The following CMYA5 variants were observed in gnomAD, a reference collection of about 807,000 sequenced individuals.
CMYA5 encodes cardiomyopathy associated 5.
In CMYA5, 246 loss-of-function variants were observed where a neutral mutation model predicts 318.9. The observed-to-expected ratio is 0.77, with a 90% CI of 0.70 to 0.86. The LOEUF (loss-of-function observed/expected upper bound fraction) is 0.86, where lower values mean the gene tolerates loss of function less well. Ranked by LOEUF, CMYA5 falls within the 40% of genes least tolerant of loss-of-function variation. The pLI, the probability that CMYA5 is intolerant of heterozygous loss-of-function variation, is 0.00. For synonymous variants in CMYA5, 1,641 were observed against 1,729.5 expected (o/e 0.95, Z 1.27); for missense variants, 4,589 against 4,678.2 (o/e 0.98, Z 0.56).
At position 79,717,074 on chromosome 5, in the gene CMYA5, C is replaced by A. The variant is rs1262949768; in HGVS notation, c.150-11841C>A. Among the ~76,000 whole-genome samples, 3 of 152,274 alleles carry A rather than the reference C, an allele frequency of 2.0e-5. No individual in the cohort carries two copies. The South Asian group carries it at 6.2e-4, about 32-fold the overall frequency. On this transcript the variant is annotated intron_variant, in intron 1 of 12. Coordinates refer to ENST00000446378, the MANE Select transcript of CMYA5 (RefSeq NM_153610.5). ...ACAGATGATGCCCCAGGCAAGCAAA[C>A]CACTCCTGTTAGCAGGCTGCTCTCA... is the stretch of plus-strand genomic sequence containing the variant.
chr5:79,709,571 G>A (rs1395313953), intron 1 of CMYA5, among the ~76,000 whole-genome samples: 1 of 151,940 alleles, frequency 6.6e-6, no homozygotes, highest in African/African-American at 2.4e-5. Context: ...ACTGTATAGA[G>A]GATGAAAAGC....
In CMYA5 at chr5:79,732,104, G is replaced by GA; in HGVS notation, c.3343dup (p.Thr1115AsnfsTer8). On this transcript the variant is annotated frameshift_variant, in exon 2 of 13. Coordinates refer to ENST00000446378, the MANE Select transcript of CMYA5 (RefSeq NM_153610.5). LOFTEE classifies it high-confidence loss of function. ...AATATCTCATTTTGGCACAGAAGCA[G>GA]AAAACTCAAGCATATTTAGAGCCTG... The GA allele has an allele frequency of 6.2e-7, 1 of 1,613,978 alleles. No individual in the cohort carries two copies.
intron 9 of CMYA5, among the ~76,000 whole-genome samples, chr5:79,785,390 A>G (rs994038277): frequency 6.6e-6 from 1 of 152,062 alleles, no homozygotes; most frequent in Non-Finnish European, 1.5e-5. Flanking sequence ...CTTAGGGAGA[A>G]TTGAAATTTT....
rs1561210950 is a variant in CMYA5 at position 79,735,398 on chromosome 5, A to G, written c.6633A>G (p.Glu2211=). The change falls in exon 2 of 13, where the codon GAA becomes GAG. Residue 2211 remains glutamate (E), a synonymous_variant. Coordinates refer to ENST00000446378, the MANE Select transcript of CMYA5 (RefSeq NM_153610.5). ...DLETQPSPSV[E]KAVTVIDPEG... ...AAACACAGCCAAGTCCATCCGTAGA[A>G]AAAGCAGTGACTGTGATAGATCCTG... The G allele has an allele frequency of 1.2e-6, 2 of 1,613,798 alleles. No homozygotes were observed. The highest frequency in any genetic ancestry group is 1.1e-5 in the South Asian group (1 of 91,074).
intron 1 of CMYA5, among the ~76,000 whole-genome samples, chr5:79,707,715 C>T (rs1827300723): frequency 6.6e-6 from 1 of 152,146 alleles, no homozygotes; most frequent in African/African-American, 2.4e-5. Flanking sequence ...TAGATATGAG[C>T]CACCTGTTGA....
chr5:79,759,456 A>G (rs928075369), intron 7 of CMYA5, among the ~76,000 whole-genome samples: 1 of 152,230 alleles, frequency 6.6e-6, no homozygotes, highest in Non-Finnish European at 1.5e-5. Context: ...GCGTGGGCCT[A>G]GGTATGGTGT....
intron 9 of CMYA5, among the ~76,000 whole-genome samples, chr5:79,774,094 G>C (rs532761711): frequency 3.9e-5 from 6 of 152,322 alleles, no homozygotes; most frequent in African/African-American, 1.2e-4. Flanking sequence ...TAAGACCAAA[G>C]GTGCTAGTTG....
At chr5:79,717,304 G>A (rs749264930) in intron 1 of CMYA5, among the ~76,000 whole-genome samples, 4 of 152,138 alleles carry the variant, frequency 2.6e-5, no homozygotes, top group Non-Finnish European at 5.9e-5. Flanking sequence ...GACTTTATAA[G>A]GAGAGCCACC....
chr5:79,745,326 G>A lies in CMYA5; in HGVS notation c.10839G>A (p.Val3613=), dbSNP rs769891755. The A allele has an allele frequency of 1.2e-6, 2 of 1,611,170 alleles. No individual in the cohort carries two copies. Among genetic ancestry groups the A allele is most frequent in the Non-Finnish European group, 1.7e-6 (2 of 1,177,570 alleles). Residue 3613 remains valine (V), a synonymous_variant, in exon 4 of 13, where the codon GTG becomes GTA. Coordinates refer to ENST00000446378, the MANE Select transcript of CMYA5 (RefSeq NM_153610.5). ...AGAAAGCCCAGAGCTTTGAGGAAGT[G>A]AAGAAGAAGAAGATGGAGTTCCTGC... ...YDEKAQSFEE[V]KKKKMEFLHE... is the part of the protein sequence containing the mutation.
At position 79,738,921 on chromosome 5, in the gene CMYA5, T is replaced by C; in HGVS notation, c.10156T>C (p.Ser3386Pro). ...QVSFPEEEFA[S>P]GATHVQETSL... ...GTCCTTCCCGGAGGAAGAATTTGCA[T>C]CTGGTGCAACTCATGTTCAAGAAAC... Residue 3386 changes from serine (S) to proline (P), a missense_variant, in exon 2 of 13, where the codon TCT (serine) becomes CCT (proline). Coordinates refer to ENST00000446378, the MANE Select transcript of CMYA5 (RefSeq NM_153610.5). The C allele has an allele frequency of 1.2e-6, 2 of 1,613,922 alleles. No individual in the cohort carries two copies. Among genetic ancestry groups the C allele is most frequent in the African/African-American group, 1.3e-5 (1 of 75,026 alleles).
chr5:79,792,841 G>A (rs1173684106), intron 11 of CMYA5, among the ~76,000 whole-genome samples: 3 of 152,126 alleles, frequency 2.0e-5, no homozygotes, highest in African/African-American at 7.2e-5. Context: ...CCTCTTAAGG[G>A]CACCTACTAC....
chr5:79,751,075 T>G (rs1029808252), intron 5 of CMYA5, among the ~76,000 whole-genome samples: 1 of 152,026 alleles, frequency 6.6e-6, no homozygotes, highest in Non-Finnish European at 1.5e-5. Context: ...CCCTATGGGG[T>G]TCTCCCACCT....
Position 79,789,039 on chromosome 5 carries a change from A to T in CMYA5, c.11624A>T (p.Tyr3875Phe). ...CAACCCAATGATAACTACTTTTTCTATGTGAGGGCCATCAATGCATTTGGG... is the reference window on the plus strand; with the variant it reads ...CAACCCAATGATAACTACTTTTTCTTTGTGAGGGCCATCAATGCATTTGGG... ...NLQPNDNYFF[Y>F]VRAINAFGTS... The change falls in exon 10 of 13, where the codon TAT becomes TTT. Residue 3875 changes from tyrosine to phenylalanine, a missense_variant. Physicochemically the swap from Tyr to Phe is conservative, Grantham distance 22. This residue lies in a region of CMYA5 where 2,431 missense variants were observed against 2,495.1 expected (regional missense o/e 0.97). Transcript: ENST00000446378. 1.9e-6 allele frequency: 3 copies of T among 1,613,966 alleles called. No individual in the cohort carries two copies. Among genetic ancestry groups the T allele is most frequent in the Non-Finnish European group, 2.5e-6 (3 of 1,179,862 alleles).
At chr5:79,772,549 A>G (rs1828874477) in intron 9 of CMYA5, among the ~76,000 whole-genome samples, 2 of 152,202 alleles carry the variant, frequency 1.3e-5, no homozygotes, top group African/African-American at 2.4e-5. Flanking sequence ...GAAAAAATTT[A>G]TTGGCCACAA....
Position 79,745,337 on chromosome 5 carries a change from A to T in CMYA5, c.10850A>T (p.Lys3617Met), listed in dbSNP as rs976987478. 1.2e-6 allele frequency: 2 copies of T among 1,613,640 alleles called. No homozygotes were observed. Among genetic ancestry groups the T allele is most frequent in the African/African-American group, 2.7e-5 (2 of 74,918 alleles). Reference protein sequence around the residue: ...AQSFEEVKKKKMEFLHEQMVH... With the variant: ...AQSFEEVKKKMMEFLHEQMVH... ...AGCTTTGAGGAAGTGAAGAAGAAGA[A>T]GATGGAGTTCCTGCATGAGCAGATG... The change falls in exon 4 of 13, where the codon AAG (lysine) becomes ATG (methionine). Residue 3617 changes from lysine to methionine, a missense_variant. Transcript: ENST00000446378.
At position 79,793,575 on chromosome 5, in the gene CMYA5, G is replaced by A; in HGVS notation, c.11928G>A (p.Glu3976=). The A allele has an allele frequency of 1.2e-6, 2 of 1,613,632 alleles. No individual in the cohort carries two copies. Among genetic ancestry groups the A allele is most frequent in the Non-Finnish European group, 8.5e-7 (1 of 1,179,658 alleles). ...AGGCAGGTGCCCTAGGACAAGGGGAGACCTCATGGTACATGCACTGCTCTG... is the reference window on the plus strand; with the variant it reads ...AGGCAGGTGCCCTAGGACAAGGGGAAACCTCATGGTACATGCACTGCTCTG... ...AVQAGALGQG[E]TSWYMHCSEP... The change falls in exon 12 of 13, where the codon GAG becomes GAA. Residue 3976 remains glutamate (E), a synonymous_variant. Transcript: ENST00000446378.
rs761635402 is a variant in CMYA5 at position 79,730,982 on chromosome 5, T to C, written c.2217T>C (p.Thr739=). 6.2e-7 allele frequency: 1 copy of C among 1,613,898 alleles called. No individual in the cohort carries two copies. The highest frequency in any genetic ancestry group is 1.7e-5 in the Admixed American group (1 of 60,008). The change falls in exon 2 of 13, where the codon ACT becomes ACC. Residue 739 remains threonine, a synonymous_variant. Coordinates refer to ENST00000446378, the MANE Select transcript of CMYA5 (RefSeq NM_153610.5). ...TTCCATCAGAAGAGAAGGAAGACAC[T>C]GGATCGTTTACTCCAGCTGTGGCCC... ...YMIPSEEKED[T]GSFTPAVAPA...
rs1306538136 is a variant in CMYA5, at chr5:79,737,054, G to A, written c.8289G>A (p.Gln2763=). The A allele has an allele frequency of 6.2e-7, 1 of 1,613,692 alleles. No individual in the cohort carries two copies. Among genetic ancestry groups the A allele is most frequent in the Non-Finnish European group, 8.5e-7 (1 of 1,179,792 alleles). The change falls in exon 2 of 13, where the codon CAG becomes CAA. Residue 2763 remains glutamine, a synonymous_variant. Transcript: ENST00000446378. The part of the protein sequence containing the change: ...DMPDHSEEKE[Q]FKESELWKGG... ...CAGATCACAGTGAAGAAAAAGAACA[G>A]TTCAAAGAGTCAGAGCTATGGAAAG... is the stretch of plus-strand genomic sequence containing the variant.
In CMYA5 at chr5:79,736,769, T is replaced by G. The variant is rs946417336; in HGVS notation, c.8004T>G (p.Asp2668Glu). The G allele has an allele frequency of 8.7e-6, 14 of 1,612,222 alleles. No homozygotes were observed. Among genetic ancestry groups the G allele is most frequent in the Non-Finnish European group, 1.0e-5 (12 of 1,179,604 alleles). ...VLEKSSRDMP[D>E]HSEEKEQFRE... The stretch of plus-strand genomic sequence containing the variant: ...AAAAGTCAAGCAGAGATATGCCAGA[T>G]CACAGTGAAGAAAAAGAACAGTTCA... Residue 2668 changes from aspartate to glutamate, a missense_variant, in exon 2 of 13, where the codon GAT becomes GAG. Physicochemically the swap from Asp to Glu is conservative, Grantham distance 45. Coordinates refer to ENST00000446378, the MANE Select transcript of CMYA5 (RefSeq NM_153610.5).
Sources: gnomAD v4.1 joint callset for allele counts (sites outside exome capture counted in the v4.1 genomes callset) on GRCh38, gnomAD v4.1.1 for gene constraint, gnomAD v4.1.1 regional missense constraint, MANE v1.5 for transcripts, NCBI Gene and HGNC (gene_info 2026-07-23, HGNC 2026-07-21) for gene names.